CPA1: variants seen among roughly 807,000 people sequenced by gnomAD.
The protein encoded by CPA1 is carboxypeptidase A1 (pancreatic).
A neutral mutation model predicts 48.7 loss-of-function variants in CPA1; 42 were observed. The ratio of observed to expected loss-of-function variants is 0.86; its 90% CI spans 0.67 to 1.11. The LOEUF is 1.11. CPA1 is among the 50% of genes most tolerant of loss of function. The probability of loss-of-function intolerance (pLI) is 0.00; values close to 1 mark genes in which losing one functional copy is unlikely to be tolerated. For missense variants in CPA1, 477 were observed against 544.7 expected, an observed-to-expected ratio of 0.88 and a Z score of 1.24; for synonymous variants, 203 against 217.9, an observed-to-expected ratio of 0.93 and a Z score of 0.60.
chr7:130,385,419 C>T, intron 8 of CPA1, 74 bp downstream of exon 8: 1 of 1,388,702 alleles, frequency 7.2e-7, no homozygotes, highest in Non-Finnish European at 1.0e-6. Context: ...CCCCATCAGA[C>T]CTGCTTAAGG....
At chr7:130,385,112 G>A (rs782164835) in intron 7 of CPA1, 34 bp from the exon 8 acceptor site, 1 of 1,606,104 alleles carries the variant, frequency 6.2e-7, no homozygotes, top group African/African-American at 1.3e-5. Flanking sequence ...GAAGCTGGAG[G>A]AGCCACACCG....
intron 7 of CPA1, 184 bp from the exon 8 acceptor site, chr7:130,384,962 C>G: frequency 1.5e-6 from 1 of 646,358 alleles, no homozygotes; most frequent in Non-Finnish European, 2.7e-6. Context: ...TCCATCAGCT[C>G]TGCCCAAACC....
At chr7:130,385,120 C>T (rs781816095) in intron 7 of CPA1, 26 bp from the exon 8 acceptor site, 2 of 1,611,756 alleles carry the variant, frequency 1.2e-6, no homozygotes, top group South Asian at 1.1e-5. Context: ...AGGAGCCACA[C>T]CGCCATGCCC....
At chr7:130,385,563 A>AG (rs1392943482) in intron 8 of CPA1, among the ~76,000 whole-genome samples, 1 of 152,210 alleles carries the variant, frequency 6.6e-6, no homozygotes, top group Non-Finnish European at 1.5e-5. Flanking sequence ...TGACAGAGCA[A>AG]GGGGCAGGGC....
At position 130,387,499 on chromosome 7, in the gene CPA1, C is replaced by T. The variant is rs570700026; in HGVS notation, c.1073-325C>T. On this transcript the variant is annotated intron_variant, in intron 9 of 9. Transcript: ENST00000011292. The surrounding 1 kb of genome is among the most constrained non-coding windows in gnomAD (Gnocchi z 4.6). ...ATCCTGGTTACCCAAGCAGGGAACT[C>T]GGTATATTTAGGGGCTTCACCGAAA... Among the ~76,000 whole-genome samples, 18 of 152,240 alleles carry T rather than the reference C, an allele frequency of 1.2e-4. No individual in the cohort carries two copies. Among genetic ancestry groups the T allele is most frequent in the East Asian group, 1.9e-4 (1 of 5,176 alleles).
chr7:130,380,723 C>T, intron 1 of CPA1, 138 bp downstream of exon 1: 1 of 517,110 alleles, frequency 1.9e-6, no homozygotes, highest in Non-Finnish European at 3.3e-6. Context: ...GGACAGCTGG[C>T]AGATAAGCAA....
At chr7:130,384,360 C>G (rs1482559646) in intron 6 of CPA1, 176 bp from the exon 7 acceptor site, 1 of 605,570 alleles carries the variant, frequency 1.7e-6, no homozygotes, top group African/African-American at 1.9e-5. Context: ...GATCCCATCC[C>G]AAGCTGTGCC....
chr7:130,381,197 G>C lies in CPA1; in HGVS notation c.147+18G>C, dbSNP rs782449244. On this transcript the variant is annotated intron_variant, in intron 2 of 9. Coordinates refer to ENST00000011292, the MANE Select transcript of CPA1 (RefSeq NM_001868.4). ...ACCTGCAGGTCAGAAGAGGGGAGAA[G>C]GGCTCTCTGAGGCCCCAGGGTATCA... is the stretch of plus-strand genomic sequence containing the variant. The C allele has an allele frequency of 8.8e-6, 14 of 1,595,888 alleles. No homozygotes were observed. In the South Asian group the frequency reaches 1.6e-4, roughly 18 times the overall value.
intron 9 of CPA1, among the ~76,000 whole-genome samples, chr7:130,386,538 A>G (rs1554412066): frequency 6.6e-6 from 1 of 152,216 alleles, no homozygotes; most frequent in South Asian, 2.1e-4. Context: ...TGTCAAAAAA[A>G]CAAAAACAAA....
At chr7:130,385,490 G>C (rs1796463423) in intron 8 of CPA1, 145 bp downstream of exon 8, 1 of 739,902 alleles carries the variant, frequency 1.4e-6, no homozygotes. Context: ...AAGACCAGCG[G>C]GTGGACTAAC....
At chr7:130,382,426 G>T (rs530486681) in intron 4 of CPA1, among the ~76,000 whole-genome samples, 1 of 152,274 alleles carries the variant, frequency 6.6e-6, no homozygotes, top group Non-Finnish European at 1.5e-5. Context: ...TTCCAATCAA[G>T]TGTCCATTGT....
At position 130,384,566 on chromosome 7, in the gene CPA1, A is replaced by G; in HGVS notation, c.727A>G (p.Thr243Ala). The change falls in exon 7 of 10, where the codon ACA becomes GCA. Residue 243 changes from threonine to alanine, a missense_variant. Physicochemically the swap from Thr to Ala is moderately conservative, Grantham distance 58 (BLOSUM62 0). Coordinates refer to ENST00000011292, the MANE Select transcript of CPA1 (RefSeq NM_001868.4). ...NRMWRKTRSH[T>A]AGSLCIGVDP... is the part of the protein sequence containing the mutation. Reference sequence around the variant, plus strand: ...CATGTGGCGCAAGACTCGGTCCCACACAGCAGGCTCCCTCTGTATTGGCGT... The same window carrying G: ...CATGTGGCGCAAGACTCGGTCCCACGCAGCAGGCTCCCTCTGTATTGGCGT... 6.2e-7 allele frequency: 1 copy of G among 1,614,232 alleles called. No individual in the cohort carries two copies. Among genetic ancestry groups the G allele is most frequent in the Non-Finnish European group, 8.5e-7 (1 of 1,180,046 alleles).
chr7:130,387,987 G>A lies in CPA1; in HGVS notation c.1236G>A (p.Glu412=), dbSNP rs2117509349. 1 of 1,614,142 alleles carries A rather than the reference G, an allele frequency of 6.2e-7. No individual in the cohort carries two copies. The highest frequency in any genetic ancestry group is 2.2e-5 in the East Asian group (1 of 44,884). Residue 412 remains glutamate, a synonymous_variant, in exon 10 of 10, where the codon GAG becomes GAA. Transcript: ENST00000011292. This position sits in a 1 kb window ranked among gnomAD's most constrained non-coding sequence, Gnocchi z 4.6. ...ETWLALLTIM[E]HTLNHPY ...GGCTGGCGCTTCTGACCATCATGGA[G>A]CACACCCTGAATCACCCCTACTGAG...
chr7:130,386,024 A>G, intron 9 of CPA1, 101 bp downstream of exon 9: 2 of 1,052,742 alleles, frequency 1.9e-6, no homozygotes, highest in Non-Finnish European at 2.9e-6. Context: ...AGCCAAGGGC[A>G]CCCAGATCTG....
chr7:130,384,629 A>T lies in CPA1; in HGVS notation c.787+3A>T. On this transcript the variant is annotated splice_donor_region_variant and intron_variant, in intron 7 of 9. Coordinates refer to ENST00000011292, the MANE Select transcript of CPA1 (RefSeq NM_001868.4). ...GAACTGGGACGCTGGCTTTGGGTGTAAGGCCCAGAGTGTCTTGGGAGCAAG... is the reference window on the plus strand; with the variant it reads ...GAACTGGGACGCTGGCTTTGGGTGTTAGGCCCAGAGTGTCTTGGGAGCAAG... 6.2e-7 allele frequency: 1 copy of T among 1,612,964 alleles called. No homozygotes were observed. The highest frequency in any genetic ancestry group is 8.5e-7 in the Non-Finnish European group (1 of 1,178,986).
At position 130,387,914 on chromosome 7, in the gene CPA1, G is replaced by A; in HGVS notation, c.1163G>A (p.Gly388Asp). 6.2e-7 allele frequency: 1 copy of A among 1,614,162 alleles called. No homozygotes were observed. Among genetic ancestry groups the A allele is most frequent in the Non-Finnish European group, 8.5e-7 (1 of 1,180,032 alleles). The stretch of plus-strand genomic sequence containing the variant: ...GAGCTCCGGGACACTGGGCGCTATG[G>A]CTTCCTGCTGCCAGCCTCCCAGATC... ...TFELRDTGRY[G>D]FLLPASQIIP... Residue 388 changes from glycine to aspartate, a missense_variant, in exon 10 of 10, where the codon GGC (glycine) becomes GAC (aspartate). Physicochemically the swap from Gly to Asp is moderately conservative, Grantham distance 94. Coordinates refer to ENST00000011292, the MANE Select transcript of CPA1 (RefSeq NM_001868.4). This position sits in a 1 kb window ranked among gnomAD's most constrained non-coding sequence, Gnocchi z 4.6.
intron 6 of CPA1, chr7:130,384,154 C>T: frequency 4.6e-6 from 2 of 433,906 alleles, no homozygotes; most frequent in South Asian, 2.9e-5. Context: ...GACCTTACTT[C>T]CTGGTCCTAC....
Position 130,381,155 on chromosome 7 carries a change from G to C in CPA1, c.123G>C (p.Glu41Asp). ...AGGCCCAGGTACAGAAGGTGAAGGA[G>C]CTGGAGGACCTGGAGCACCTGCAGG... Reference protein sequence around the residue: ...ADEAQVQKVKELEDLEHLQLD... With the variant: ...ADEAQVQKVKDLEDLEHLQLD... Residue 41 changes from glutamate to aspartate, a missense_variant, in exon 2 of 10, where the codon GAG becomes GAC. Physicochemically the swap from Glu to Asp is conservative, Grantham distance 45. Coordinates refer to ENST00000011292, the MANE Select transcript of CPA1 (RefSeq NM_001868.4). The C allele has an allele frequency of 6.2e-7, 1 of 1,613,496 alleles. No homozygotes were observed. Among genetic ancestry groups the C allele is most frequent in the Non-Finnish European group, 8.5e-7 (1 of 1,179,742 alleles).
intron 8 of CPA1, 75 bp downstream of exon 8, chr7:130,385,420 C>T: frequency 1.5e-6 from 2 of 1,353,932 alleles, no homozygotes; most frequent in Non-Finnish European, 2.1e-6. Flanking sequence ...CCCATCAGAC[C>T]TGCTTAAGGC....
Sources: allele counts gnomAD v4.1 joint callset (sites outside exome capture counted in the v4.1 genomes callset), GRCh38; gene constraint gnomAD v4.1.1; non-coding constraint Gnocchi (gnomAD v3.1); transcripts MANE v1.5; gene names NCBI Gene and HGNC (gene_info 2026-07-23, HGNC 2026-07-21).